SLC9A4: variants seen among roughly 807,000 people sequenced by gnomAD.
SLC9A4 encodes solute carrier family 9 member A4, also known as sodium/hydrogen exchanger 4.
SLC9A4 carries 63 observed loss-of-function variants against 67.4 expected under a neutral mutation model. That is an observed-to-expected ratio of 0.93 (90% CI 0.76 to 1.15). The LOEUF is 1.15. Ranked by LOEUF, SLC9A4 falls within the 50% of genes most tolerant of loss-of-function variation. The pLI is 0.00. For missense variants in SLC9A4, 1,089 were observed against 987.7 expected (o/e 1.10, Z -1.38); for synonymous variants, 393 against 367.2 (o/e 1.07, Z -0.80).
chr2:102,474,039 G>T (rs766505113), intron 1 of SLC9A4, 24 bp downstream of exon 1: 3 of 1,605,102 alleles, frequency 1.9e-6, no homozygotes, highest in Non-Finnish European at 2.6e-6. Flanking sequence ...CACCTGGTTT[G>T]GTGAGTTATC....
At chr2:102,521,766 T>G (rs1200943343) in intron 9 of SLC9A4, among the ~76,000 whole-genome samples, 1 of 152,216 alleles carries the variant, frequency 6.6e-6, no homozygotes, top group Admixed American at 6.5e-5. Context: ...TCCTGCACTC[T>G]CTAGCCTGGG....
chr2:102,505,206 AG>A, intron 3 of SLC9A4, 47 bp from the exon 4 acceptor site: 1 of 1,572,940 alleles, frequency 6.4e-7, no homozygotes, highest in Non-Finnish European at 8.7e-7. Flanking sequence ...CGTTTTGTGG[AG>A]GGGGAAAACC....
chr2:102,516,622 T>C (rs1685282983), intron 8 of SLC9A4, among the ~76,000 whole-genome samples: 1 of 152,248 alleles, frequency 6.6e-6, no homozygotes, highest in South Asian at 2.1e-4. Flanking sequence ...GCCACTATGG[T>C]TGTCTATTTG....
At chr2:102,508,787 C>A (rs1685099789) in intron 5 of SLC9A4, 60 bp from the exon 6 acceptor site, 2 of 1,292,836 alleles carry the variant, frequency 1.5e-6, no homozygotes, top group Non-Finnish European at 1.1e-6. Flanking sequence ...AATAAATTTG[C>A]TCTCTCTAGT....
rs565212572 is a variant in SLC9A4 at position 102,502,189 on chromosome 2, C to T, written c.721-1259C>T. 2.0e-5 allele frequency among the ~76,000 whole-genome samples: 3 copies of T among 152,326 alleles called. No homozygotes were observed. In the South Asian group the frequency reaches 6.2e-4, roughly 32 times the overall value. ...GCAGAGATCTTCGTTCAGCTCTTCT[C>T]TATGTCTCATTACCTGTACACCTGC... On this transcript the variant is annotated intron_variant, in intron 2 of 11. Coordinates refer to ENST00000295269, the MANE Select transcript of SLC9A4 (RefSeq NM_001011552.4).
chr2:102,491,108 G>A (rs1684688931), intron 2 of SLC9A4, among the ~76,000 whole-genome samples: 2 of 152,100 alleles, frequency 1.3e-5, no homozygotes, highest in Non-Finnish European at 1.5e-5. Context: ...AGTTGGCCAG[G>A]CATAATCACA....
intron 2 of SLC9A4, among the ~76,000 whole-genome samples, chr2:102,483,913 T>C (rs1244411846): frequency 6.9e-6 from 1 of 145,148 alleles, no homozygotes; most frequent in Non-Finnish European, 1.5e-5. Flanking sequence ...TCATATATAT[T>C]TATATATTAA....
Position 102,473,633 on chromosome 2 carries a change from A to G in SLC9A4, c.-127A>G. 2.6e-6 allele frequency: 3 copies of G among 1,157,778 alleles called. No homozygotes were observed. The highest frequency in any genetic ancestry group is 3.6e-6 in the Non-Finnish European group (3 of 829,238). The allele number at this position is 1,157,778 out of a possible 1,614,324, so 71.7% of individuals were successfully genotyped here. Reference sequence around the variant, plus strand: ...ATAACACACTCGGAATCTTCTTGGGAGGACCCACAGACTGTACCTATATTA... The same window carrying G: ...ATAACACACTCGGAATCTTCTTGGGGGGACCCACAGACTGTACCTATATTA... On this transcript the variant is annotated 5_prime_UTR_variant, in exon 1 of 12. Coordinates refer to ENST00000295269, the MANE Select transcript of SLC9A4 (RefSeq NM_001011552.4).
At chr2:102,522,620 CA>C (rs1192142399) in intron 9 of SLC9A4, among the ~76,000 whole-genome samples, 1 of 151,654 alleles carries the variant, frequency 6.6e-6, no homozygotes, top group Non-Finnish European at 1.5e-5. Flanking sequence ...CAAACATGCA[CA>C]CACACACACA....
chr2:102,492,663 G>A (rs1684728457), intron 2 of SLC9A4, among the ~76,000 whole-genome samples: 2 of 152,136 alleles, frequency 1.3e-5, no homozygotes, highest in South Asian at 4.1e-4. Flanking sequence ...CATGTGATGG[G>A]AGGGACTGCT....
intron 3 of SLC9A4, 117 bp downstream of exon 3, chr2:102,503,824 G>T: frequency 7.3e-7 from 1 of 1,369,168 alleles, no homozygotes; most frequent in Non-Finnish European, 9.9e-7. Context: ...CCAACATGTT[G>T]CAGATTTAGG....
At chr2:102,492,321 T>C (rs1684719787) in intron 2 of SLC9A4, among the ~76,000 whole-genome samples, 3 of 152,264 alleles carry the variant, frequency 2.0e-5, no homozygotes, top group Non-Finnish European at 4.4e-5. Context: ...TGCACTGTCC[T>C]AGCTGAAGTT....
At chr2:102,480,636 G>A (rs1025664227) in intron 2 of SLC9A4, among the ~76,000 whole-genome samples, 7 of 151,964 alleles carry the variant, frequency 4.6e-5, no homozygotes, top group African/African-American at 1.5e-4. Flanking sequence ...CTTTGCATTC[G>A]TATTTTTACA....
intron 11 of SLC9A4, 98 bp downstream of exon 11, chr2:102,526,444 AG>A (rs1558675111): frequency 8.4e-6 from 9 of 1,066,686 alleles, no homozygotes; most frequent in Non-Finnish European, 5.6e-6. Flanking sequence ...AACATTATGT[AG>A]GTTACTTACA....
rs182738854 is a variant in SLC9A4, at chr2:102,477,156, T to A, written c.257-1683T>A. Among the ~76,000 whole-genome samples the A allele has an allele frequency of 2.0e-5, 3 of 152,318 alleles. No individual in the cohort carries two copies. The East Asian group carries it at 5.8e-4, about 29-fold the overall frequency. On this transcript the variant is annotated intron_variant, in intron 1 of 11. Coordinates refer to ENST00000295269, the MANE Select transcript of SLC9A4 (RefSeq NM_001011552.4). ...TTCCTTAGGTTTGAATTCAAGGTCT[T>A]CCATTATTTGTTTCAAAATCATTTT...
chr2:102,532,474 AAAGAAACACAAGCC>A lies in SLC9A4; in HGVS notation c.2189_2202del (p.Asn730ArgfsTer22). The stretch of plus-strand genomic sequence containing the variant: ...AGGAAGGCATTCAGCTTTGGTTATC[AAAGAAACACAAGCC>A]AAGAAGAGTACTTGGGTGGAGTAAG... On this transcript the variant is annotated frameshift_variant, in exon 12 of 12. Coordinates refer to ENST00000295269, the MANE Select transcript of SLC9A4 (RefSeq NM_001011552.4). LOFTEE classifies it low-confidence loss of function (END_TRUNC). 1.9e-6 allele frequency: 3 copies of A among 1,614,220 alleles called. No homozygotes were observed. Among genetic ancestry groups the A allele is most frequent in the Non-Finnish European group, 2.5e-6 (3 of 1,180,038 alleles).
chr2:102,532,179 A>G, intron 11 of SLC9A4, 151 bp from the exon 12 acceptor site: 1 of 814,710 alleles, frequency 1.2e-6, no homozygotes, highest in Admixed American at 2.5e-5. Flanking sequence ...GTCCTTGAGA[A>G]GGAAAAATTG....
chr2:102,496,172 C>A (rs1684805892), intron 2 of SLC9A4, among the ~76,000 whole-genome samples: 1 of 152,062 alleles, frequency 6.6e-6, no homozygotes, highest in African/African-American at 2.4e-5. Flanking sequence ...AATTTTAGTT[C>A]TCAATAAGGG....
At chr2:102,485,487 G>T (rs77912386) in intron 2 of SLC9A4, among the ~76,000 whole-genome samples, 4 of 152,100 alleles carry the variant, frequency 2.6e-5, no homozygotes, top group Admixed American at 1.3e-4. Context: ...TTCCTTTGCC[G>T]TCTTCTCTTC....
Sources: allele counts gnomAD v4.1 joint callset (sites outside exome capture counted in the v4.1 genomes callset), GRCh38; gene constraint gnomAD v4.1.1; transcripts MANE v1.5; gene names NCBI Gene and HGNC (gene_info 2026-07-23, HGNC 2026-07-21).